The following PCDHGB4 variants were observed in gnomAD, a reference collection of about 807,000 sequenced individuals.
PCDHGB4 encodes the protein protocadherin gamma-B4.
A neutral mutation model predicts 60.5 loss-of-function variants in PCDHGB4; 38 were observed. The ratio of observed to expected loss-of-function variants is 0.63; its 90% CI spans 0.48 to 0.82. PCDHGB4 has a LOEUF of 0.82. PCDHGB4 is among the 40% of genes least tolerant of loss of function. The pLI is 0.00. For synonymous variants in PCDHGB4, 456 were observed against 509.7 expected (o/e 0.89, Z 1.42); for missense variants, 1,109 against 1,209.6 (o/e 0.92, Z 1.23).
chr5:141,423,750 T>TGGG lies in PCDHGB4; in HGVS notation c.2397+33477_2397+33479dup, dbSNP rs144521096. 4.7e-3 allele frequency: 1,348 copies of TGGG among 288,070 alleles called. 1 individual carries two copies. The highest frequency in any genetic ancestry group is 5.4e-3 in the Non-Finnish European group (1,192 of 221,408). 17.8% of individuals were successfully genotyped at this position (288,070 alleles called of 1,614,324 possible). A position where few individuals can be genotyped will look rare whatever the true frequency, so the allele number is the denominator to read the frequency against. ...TTTTGAGCCTGTTATGAAAACTGTT[T>TGGG]GGGGGGGGGGTGGGGCGGCATATAT... is the stretch of plus-strand genomic sequence containing the variant. On this transcript the variant is annotated intron_variant, in intron 1 of 3. Coordinates refer to ENST00000519479, the MANE Select transcript of PCDHGB4 (RefSeq NM_003736.4).
intron 1 of PCDHGB4, chr5:141,424,652 G>T (rs1392693867): frequency 6.6e-6 from 1 of 152,120 alleles, no homozygotes; most frequent in East Asian, 1.9e-4. Context: ...AAGGTATTTG[G>T]ACTTTAATTA....
In PCDHGB4 at chr5:141,388,735, C is replaced by T. The variant is rs758511912; in HGVS notation, c.851C>T (p.Ala284Val). ...NAEITFSFSEASQITQFDLNS... is the reference protein window; with the variant it reads ...NAEITFSFSEVSQITQFDLNS... ...GAGATTACTTTCTCTTTCAGTGAAGCTAGCCAGATCACCCAATTTGACCTG... is the reference window on the plus strand; with the variant it reads ...GAGATTACTTTCTCTTTCAGTGAAGTTAGCCAGATCACCCAATTTGACCTG... The change falls in exon 1 of 4, where the codon GCT (alanine) becomes GTT (valine). Residue 284 changes from alanine to valine, a missense_variant. Physicochemically the swap from Ala to Val is moderately conservative, Grantham distance 64. Around this residue, in one of 2 missense-constraint regions of PCDHGB4, gnomAD observed 1,068 missense variants for 1,089.9 expected, o/e 0.98. Coordinates refer to ENST00000519479, the MANE Select transcript of PCDHGB4 (RefSeq NM_003736.4). 9 of 1,613,974 alleles carry T rather than the reference C, an allele frequency of 5.6e-6. No individual in the cohort carries two copies. The highest frequency in any genetic ancestry group is 7.6e-6 in the Non-Finnish European group (9 of 1,179,868).
chr5:141,441,155 T>A (rs2098229690), intron 1 of PCDHGB4: 1 of 152,230 alleles, frequency 6.6e-6, no homozygotes, highest in East Asian at 1.9e-4. Flanking sequence ...GACAATATCC[T>A]AGAGGCGATT....
chr5:141,419,037 A>G, intron 1 of PCDHGB4: 1 of 1,613,972 alleles, frequency 6.2e-7, no homozygotes, highest in Middle Eastern at 1.6e-4. Flanking sequence ...GTTCCATTTA[A>G]GATTCATTCT....
intron 1 of PCDHGB4, among the ~76,000 whole-genome samples, chr5:141,483,689 G>A (rs1234666254): frequency 6.6e-6 from 1 of 152,022 alleles, no homozygotes; most frequent in Non-Finnish European, 1.5e-5. Flanking sequence ...CAGAAAGCCA[G>A]ATTCCTCTTT....
Position 141,490,252 on chromosome 5 carries a change from G to A in PCDHGB4, c.2398-4555G>A, listed in dbSNP as rs150107963. The A allele has an allele frequency of 1.9e-6, 3 of 1,614,252 alleles. No homozygotes were observed. Among genetic ancestry groups the A allele is most frequent in the Non-Finnish European group, 1.7e-6 (2 of 1,180,046 alleles). The stretch of plus-strand genomic sequence containing the variant: ...CATGGAGGGCCACTGTGTGATTCAA[G>A]TGGATGTGGGGGATGTCAATGACAA... On this transcript the variant is annotated intron_variant, in intron 1 of 3. Coordinates refer to ENST00000519479, the MANE Select transcript of PCDHGB4 (RefSeq NM_003736.4). This position sits in a 1 kb window ranked among gnomAD's most constrained non-coding sequence, Gnocchi z 5.4.
In PCDHGB4 at chr5:141,432,510, C is replaced by A; in HGVS notation, c.2397+42229C>A. 1 of 1,614,140 alleles carries A rather than the reference C, an allele frequency of 6.2e-7. No homozygotes were observed. The highest frequency in any genetic ancestry group is 8.5e-7 in the Non-Finnish European group (1 of 1,180,042). On this transcript the variant is annotated intron_variant, in intron 1 of 3. Coordinates refer to ENST00000519479, the MANE Select transcript of PCDHGB4 (RefSeq NM_003736.4). The surrounding 1 kb of genome is among the most constrained non-coding windows in gnomAD (Gnocchi z 6.0). ...GAGCTGGCTCCCCGCTCCGCAGAGCCCGGCTACCTGGTGACCAAGGTGGTG... is the reference window on the plus strand; with the variant it reads ...GAGCTGGCTCCCCGCTCCGCAGAGCACGGCTACCTGGTGACCAAGGTGGTG...
intron 3 of PCDHGB4, among the ~76,000 whole-genome samples, chr5:141,509,139 A>G (rs1042555376): frequency 2.6e-5 from 4 of 152,140 alleles, no homozygotes; most frequent in African/African-American, 9.7e-5. Flanking sequence ...ACCGAGGCGC[A>G]TCCCGGCTCT....
intron 1 of PCDHGB4, among the ~76,000 whole-genome samples, chr5:141,463,518 G>T (rs537466389): frequency 7.2e-6 from 1 of 139,068 alleles, no homozygotes; most frequent in African/African-American, 2.8e-5. Context: ...GCGTGATCTC[G>T]GCTTACTAGA....
rs1051300319 is a variant in PCDHGB4 at position 141,491,957 on chromosome 5, A to T, written c.2398-2850A>T. ...GACCGACCCCCACCCCTACACTCAA[A>T]AAAGGCCGGGGCCTCCTTCGAGCTT... is the stretch of plus-strand genomic sequence containing the variant. On this transcript the variant is annotated intron_variant, in intron 1 of 3. Coordinates refer to ENST00000519479, the MANE Select transcript of PCDHGB4 (RefSeq NM_003736.4). The surrounding 1 kb of genome is among the most constrained non-coding windows in gnomAD (Gnocchi z 6.9). 3.6e-5 allele frequency: 37 copies of T among 1,020,096 alleles called. No individual in the cohort carries two copies. The highest frequency in any genetic ancestry group is 5.0e-5 in the Non-Finnish European group (37 of 736,248). The allele number at this position is 1,020,096 out of a possible 1,614,324, so 63.2% of individuals were successfully genotyped here.
chr5:141,509,056 G>C (rs1303823294), intron 3 of PCDHGB4, among the ~76,000 whole-genome samples: 1 of 152,178 alleles, frequency 6.6e-6, no homozygotes, highest in Non-Finnish European at 1.5e-5. Flanking sequence ...CCCCCAGAAA[G>C]CTCTCAGCTC....
chr5:141,494,746 C>A lies in PCDHGB4; in HGVS notation c.2398-61C>A. 3 of 1,613,088 alleles carry A rather than the reference C, an allele frequency of 1.9e-6. No individual in the cohort carries two copies. The South Asian group carries it at 3.3e-5, about 18-fold the overall frequency. On this transcript the variant is annotated intron_variant, in intron 1 of 3. Coordinates refer to ENST00000519479, the MANE Select transcript of PCDHGB4 (RefSeq NM_003736.4). ...TTCTCTCCCGGCCCATCCCTAGGGG[C>A]TCGGGTGACATTCTAACTTCTCACG...
At chr5:141,422,959 C>A in intron 1 of PCDHGB4, 1 of 1,614,234 alleles carries the variant, frequency 6.2e-7, no homozygotes, top group South Asian at 1.1e-5. Context: ...TGGCGTGGAG[C>A]TGGCGCCCCG....
Position 141,389,229 on chromosome 5 carries a change from G to A in PCDHGB4, c.1345G>A (p.Val449Ile). The change falls in exon 1 of 4, where the codon GTT (valine) becomes ATT (isoleucine). Residue 449 changes from valine (V) to isoleucine (I), a missense_variant. By Grantham distance (29) the Val-to-Ile change is conservative. This residue lies in a region of PCDHGB4 where 1,068 missense variants were observed against 1,089.9 expected (regional missense o/e 0.98). Coordinates refer to ENST00000519479, the MANE Select transcript of PCDHGB4 (RefSeq NM_003736.4). ...TGGTGATGTAAATGACAACGCTCCG[G>A]TTTTCTCACAGTCTTCCTATATAGT... ...HIGDVNDNAP[V>I]FSQSSYIVHV... is the part of the protein sequence containing the mutation. 6.2e-7 allele frequency: 1 copy of A among 1,614,048 alleles called. No individual in the cohort carries two copies. The highest frequency in any genetic ancestry group is 1.1e-5 in the South Asian group (1 of 91,088).
Position 141,388,558 on chromosome 5 carries a change from C to T in PCDHGB4, c.674C>T (p.Thr225Ile), listed in dbSNP as rs928285766. ...LDFGAPPLSS[T>I]AQIHVLVTDA... ...TTTGGAGCTCCACCCCTAAGCAGCA[C>T]TGCACAGATACACGTTCTAGTGACT... is the stretch of plus-strand genomic sequence containing the variant. The change falls in exon 1 of 4, where the codon ACT becomes ATT. Residue 225 changes from threonine (T) to isoleucine (I), a missense_variant. Thr to Ile is a moderately conservative substitution (Grantham distance 89). Around this residue, in one of 2 missense-constraint regions of PCDHGB4, gnomAD observed 1,068 missense variants for 1,089.9 expected, o/e 0.98. Transcript: ENST00000519479. 21 of 1,613,792 alleles carry T rather than the reference C, an allele frequency of 1.3e-5. No individual in the cohort carries two copies. The highest frequency in any genetic ancestry group is 2.7e-5 in the African/African-American group (2 of 74,936).
chr5:141,414,649 AT>A (rs1410490912), intron 1 of PCDHGB4: 15 of 1,613,914 alleles, frequency 9.3e-6, no homozygotes, highest in Non-Finnish European at 1.3e-5. Context: ...TGCCCAGATT[AT>A]TTACTCCCTG....
chr5:141,418,985 T>G, intron 1 of PCDHGB4: 1 of 1,613,882 alleles, frequency 6.2e-7, no homozygotes, highest in Non-Finnish European at 8.5e-7. Context: ...GGACCAAGAC[T>G]CAGGGGAAAA....
intron 1 of PCDHGB4, chr5:141,419,030 C>G (rs1178461733): frequency 5.0e-6 from 8 of 1,613,768 alleles, no homozygotes; most frequent in Non-Finnish European, 6.8e-6. Context: ...TAGAGGTGTT[C>G]CATTTAAGAT....
chr5:141,468,315 C>T (rs1197043569), intron 1 of PCDHGB4: 4 of 120,552 alleles, frequency 3.3e-5, no homozygotes, highest in Non-Finnish European at 5.0e-5. Context: ...ACAAGAGCAA[C>T]GGTAAACTCC....
Sources: gnomAD v4.1 joint callset for allele counts (sites outside exome capture counted in the v4.1 genomes callset) on GRCh38, gnomAD v4.1.1 for gene constraint, gnomAD v4.1.1 regional missense constraint, Gnocchi (gnomAD v3.1) non-coding constraint, MANE v1.5 for transcripts, NCBI Gene and HGNC (gene_info 2026-07-23, HGNC 2026-07-21) for gene names.